The following SLCO1C1 variants were observed in gnomAD, a reference collection of about 807,000 sequenced individuals.
The protein encoded by SLCO1C1 is solute carrier organic anion transporter family member 1C1, also known as OAT-RP-5.
A neutral mutation model predicts 76.4 loss-of-function variants in SLCO1C1; 70 were observed. That is an observed-to-expected ratio of 0.92 (90% CI 0.76 to 1.12). SLCO1C1 has a LOEUF of 1.12. Ranked by LOEUF, SLCO1C1 falls within the 50% of genes most tolerant of loss-of-function variation. The probability of loss-of-function intolerance (pLI) is 0.00; values close to 1 mark genes in which losing one functional copy is unlikely to be tolerated. For missense variants in SLCO1C1, 912 were observed against 823.8 expected, an observed-to-expected ratio of 1.11 and a Z score of -1.31; for synonymous variants, 306 against 286.1, an observed-to-expected ratio of 1.07 and a Z score of -0.70.
chr12:20,708,924 A>C (rs1592235395), intron 4 of SLCO1C1, among the ~76,000 whole-genome samples: 1 of 152,298 alleles, frequency 6.6e-6, no homozygotes, highest in Admixed American at 6.5e-5. Flanking sequence ...TAAAGTTAGG[A>C]CAATTACAAG....
rs754273890 is a variant in SLCO1C1 at position 20,706,049 on chromosome 12, G to T, written c.372G>T (p.Leu124=). Residue 124 remains leucine (L), a synonymous_variant, in exon 4 of 15, where the codon CTG becomes CTT. Transcript: ENST00000266509. ...AGCVIMGVGT[L]LIAMPQFFME... ...GTGTAATCATGGGAGTTGGAACACT[G>T]CTCATTGCAATGCCTCAGTTCTTCA... The T allele has an allele frequency of 5.6e-6, 9 of 1,612,950 alleles. No individual in the cohort carries two copies. The highest frequency in any genetic ancestry group is 6.8e-6 in the Non-Finnish European group (8 of 1,179,290).
chr12:20,738,112 GGGC>G (rs1948632313), intron 11 of SLCO1C1, among the ~76,000 whole-genome samples: 1 of 151,824 alleles, frequency 6.6e-6, no homozygotes, highest in Non-Finnish European at 1.5e-5. Context: ...ACATTCATGA[GGGC>G]TACACCCTCA....
intron 11 of SLCO1C1, 135 bp from the exon 12 acceptor site, chr12:20,740,049 T>C (rs958526716): frequency 1.1e-6 from 1 of 880,752 alleles, no homozygotes; most frequent in African/African-American, 1.7e-5. Context: ...CAATATACTG[T>C]AATACAAAAA....
chr12:20,710,943 T>C (rs1028285826), intron 4 of SLCO1C1, among the ~76,000 whole-genome samples: 3 of 152,178 alleles, frequency 2.0e-5, no homozygotes, highest in African/African-American at 7.2e-5. Flanking sequence ...TTTTCTGTCA[T>C]TAATTGACTG....
In SLCO1C1 at chr12:20,752,355, C is replaced by T; in HGVS notation, c.1966C>T (p.Leu656=). The T allele has an allele frequency of 6.2e-7, 1 of 1,612,778 alleles. No homozygotes were observed. Among genetic ancestry groups the T allele is most frequent in the South Asian group, 1.1e-5 (1 of 90,928 alleles). The stretch of plus-strand genomic sequence containing the variant: ...GATACTGGGCACAGTGTCAATTCTC[C>T]TAAGCATTGCAGTACTTTTCATTTT... ...TVILGTVSIL[L]SIAVLFILKK... The change falls in exon 15 of 15, where the codon CTA becomes TTA. Residue 656 remains leucine (L), a synonymous_variant. Coordinates refer to ENST00000266509, the MANE Select transcript of SLCO1C1 (RefSeq NM_017435.5).
At position 20,733,027 on chromosome 12, in the gene SLCO1C1, T is replaced by A; in HGVS notation, c.1305T>A (p.Gly435=). 2 of 1,613,656 alleles carry A rather than the reference T, an allele frequency of 1.2e-6. No homozygotes were observed. Among genetic ancestry groups the A allele is most frequent in the Non-Finnish European group, 1.7e-6 (2 of 1,179,814 alleles). The change falls in exon 10 of 15, where the codon GGT becomes GGA. Residue 435 remains glycine (G), a synonymous_variant. Transcript: ENST00000266509. The part of the protein sequence containing the change: ...AKLYLGSSVF[G]YLLFLSLFAL... ...TCTACTTGGGATCATCTGTCTTTGG[T>A]TACCTCCTATTTCTTTCCCTGTTTG...
rs1415996287 is a variant in SLCO1C1 at position 20,728,116 on chromosome 12, T to C, written c.1187-4793T>C. Among the ~76,000 whole-genome samples, 3 of 152,306 alleles carry C rather than the reference T, an allele frequency of 2.0e-5. No homozygotes were observed. The East Asian group carries it at 5.8e-4, about 29-fold the overall frequency. On this transcript the variant is annotated intron_variant, in intron 9 of 14. Transcript: ENST00000266509. ...GTGTGATACTGAGAAGGGTTTTTACTAGGCTTTCTTCAGGATTTTTATAGT... is the reference window on the plus strand; with the variant it reads ...GTGTGATACTGAGAAGGGTTTTTACCAGGCTTTCTTCAGGATTTTTATAGT...
chr12:20,745,686 G>T (rs1949013371), intron 13 of SLCO1C1, among the ~76,000 whole-genome samples: 3 of 151,908 alleles, frequency 2.0e-5, no homozygotes, highest in Non-Finnish European at 4.4e-5. Flanking sequence ...TTAGCCGGGT[G>T]TGCTGGTGTG....
intron 12 of SLCO1C1, 66 bp from the exon 13 acceptor site, chr12:20,743,239 C>T (rs1410201806): frequency 4.5e-5 from 64 of 1,418,850 alleles, no homozygotes; most frequent in Non-Finnish European, 5.9e-5. Context: ...GGCAGATTAT[C>T]CTTCAAATTT....
intron 1 of SLCO1C1, chr12:20,697,428 T>A (rs777274646): frequency 1.3e-5 from 2 of 152,224 alleles, no homozygotes; most frequent in East Asian, 3.9e-4. Context: ...GTAGTAAAGA[T>A]ACCTATTTAA....
chr12:20,705,767 T>C (rs1275833542), intron 3 of SLCO1C1, among the ~76,000 whole-genome samples, 182 bp from the exon 4 acceptor site: 1 of 152,000 alleles, frequency 6.6e-6, no homozygotes, highest in Admixed American at 6.6e-5. Context: ...GATAAGGTGA[T>C]TGAAGTAATG....
chr12:20,724,002 A>G (rs1947806882), intron 9 of SLCO1C1, among the ~76,000 whole-genome samples: 1 of 152,128 alleles, frequency 6.6e-6, no homozygotes, highest in South Asian at 2.1e-4. Context: ...AAACAGCCAA[A>G]TGTATTTTAG....
intron 14 of SLCO1C1, among the ~76,000 whole-genome samples, chr12:20,751,426 C>T (rs367823242): frequency 9.2e-5 from 10 of 108,136 alleles, no homozygotes; most frequent in African/African-American, 2.0e-4. Flanking sequence ...GAAGCAATGG[C>T]TTAAAAGCAA....
At chr12:20,707,128 A>G (rs1946818966) in intron 4 of SLCO1C1, among the ~76,000 whole-genome samples, 1 of 152,090 alleles carries the variant, frequency 6.6e-6, no homozygotes, top group African/African-American at 2.4e-5. Context: ...CATTTGGATG[A>G]ATTCCCAGGA....
chr12:20,711,179 A>G (rs1237539854), intron 4 of SLCO1C1, among the ~76,000 whole-genome samples: 1 of 152,184 alleles, frequency 6.6e-6, no homozygotes, highest in African/African-American at 2.4e-5. Flanking sequence ...CGTGGGTAGG[A>G]CAAGCTTTGT....
chr12:20,722,185 T>C (rs1175836090), intron 8 of SLCO1C1, 136 bp downstream of exon 8: 1 of 1,204,430 alleles, frequency 8.3e-7, no homozygotes, highest in Non-Finnish European at 1.1e-6. Context: ...TGGAAATTGA[T>C]GTCAGCTTTA....
intron 13 of SLCO1C1, among the ~76,000 whole-genome samples, chr12:20,746,275 C>T (rs191989564): frequency 6.6e-6 from 1 of 152,106 alleles, no homozygotes; most frequent in East Asian, 1.9e-4. Context: ...TATTAAAACA[C>T]ATGAGTTTAT....
intron 2 of SLCO1C1, among the ~76,000 whole-genome samples, chr12:20,700,707 G>A (rs1946482184): frequency 6.6e-6 from 1 of 151,294 alleles, no homozygotes; most frequent in African/African-American, 2.4e-5. Flanking sequence ...TCATATAAAT[G>A]CTAACCTTCC....
chr12:20,745,623 G>A (rs1397706213), intron 13 of SLCO1C1, among the ~76,000 whole-genome samples: 2 of 151,992 alleles, frequency 1.3e-5, no homozygotes, highest in Non-Finnish European at 2.9e-5. Context: ...TCAGGAGTCC[G>A]AGACCAGCCT....
Sources: gnomAD v4.1 joint callset for allele counts (sites outside exome capture counted in the v4.1 genomes callset) on GRCh38, gnomAD v4.1.1 for gene constraint, MANE v1.5 for transcripts, NCBI Gene and HGNC (gene_info 2026-07-23, HGNC 2026-07-21) for gene names.